The following CASP1 variants were observed in gnomAD, a reference collection of about 807,000 sequenced individuals.
CASP1 encodes the protein caspase-1.
In CASP1, 31 loss-of-function variants were observed where a neutral mutation model predicts 41.2. The ratio of observed to expected loss-of-function variants is 0.75; its 90% CI spans 0.57 to 1.02. The LOEUF is 1.02. Among genes scored for constraint, CASP1 ranks in the 50% least tolerant of loss-of-function variants. The pLI, the probability that CASP1 is intolerant of heterozygous loss-of-function variation, is 0.00. For synonymous variants in CASP1, 163 were observed against 166.5 expected (o/e 0.98, Z 0.16); for missense variants, 490 against 495.7 (o/e 0.99, Z 0.11).
upstream of CASP1, among the ~76,000 whole-genome samples, chr11:105,035,520 T>C (rs1863964089): frequency 6.6e-6 from 1 of 152,156 alleles, no homozygotes; most frequent in African/African-American, 2.4e-5. Flanking sequence ...TGTATGTCCC[T>C]GTGAAACATT....
At chr11:105,029,006 T>C (rs977521235) in intron 7 of CASP1, 118 bp downstream of exon 7, 2 of 887,926 alleles carry the variant, frequency 2.3e-6, no homozygotes, top group South Asian at 1.8e-5. Flanking sequence ...GAATTCTGTG[T>C]ATAACTTGGA....
At chr11:105,026,430 CA>C in intron 8 of CASP1, 74 bp from the exon 9 acceptor site, 2 of 866,402 alleles carry the variant, frequency 2.3e-6, no homozygotes, top group Non-Finnish European at 1.9e-6. Flanking sequence ...TGAGTTATGC[CA>C]AAAAACTACA....
At chr11:105,035,617 TG>T (rs369862499), upstream of CASP1, among the ~76,000 whole-genome samples, 1 of 53,752 alleles carries the variant, frequency 1.9e-5, no homozygotes, top group Admixed American at 2.8e-4. Context: ...TTTTTCTTTC[TG>T]TTTTTTTTTT....
chr11:105,033,978 A>T, intron 2 of CASP1: 1 of 812,334 alleles, frequency 1.2e-6, no homozygotes, highest in Non-Finnish European at 2.2e-6. Context: ...AGGAGCTACC[A>T]CATACTCAGA....
At position 105,030,434 on chromosome 11, in the gene CASP1, T is replaced by G; in HGVS notation, c.523A>C (p.Ser175Arg). 1.2e-6 allele frequency: 2 copies of G among 1,613,624 alleles called. No individual in the cohort carries two copies. The highest frequency in any genetic ancestry group is 1.7e-6 in the Non-Finnish European group (2 of 1,179,618). ...TCAGCTCCAGTTCTTCTAGGAATAC[T>G]GTCAAATTCTTCATTGCAGATAATG... ...ALIICNEEFD[S>R]IPRRTGAEVD... The change falls in exon 5 of 9, where the codon AGT (serine) becomes CGT (arginine). Residue 175 changes from serine (S) to arginine (R), a missense_variant. Coordinates refer to ENST00000533400, the MANE Select transcript of CASP1 (RefSeq NM_001257118.3).
chr11:105,031,593 A>C (rs1213802108), intron 3 of CASP1, among the ~76,000 whole-genome samples: 2 of 152,204 alleles, frequency 1.3e-5, no homozygotes, highest in Non-Finnish European at 2.9e-5. Context: ...AGAAAACAAA[A>C]AATGTGTGAG....
intron 8 of CASP1, 103 bp from the exon 9 acceptor site, chr11:105,026,459 AGT>A: frequency 1.4e-6 from 1 of 721,724 alleles, no homozygotes; most frequent in Non-Finnish European, 2.4e-6. Context: ...TAGCAAAATA[AGT>A]GACAAAAACA....
chr11:105,027,045 G>A, intron 7 of CASP1, 94 bp from the exon 8 acceptor site: 1 of 781,036 alleles, frequency 1.3e-6, no homozygotes, highest in South Asian at 1.4e-5. Flanking sequence ...AGGGATGTTT[G>A]AAATCATAAA....
At chr11:105,032,514 G>A (rs958207480) in intron 3 of CASP1, among the ~76,000 whole-genome samples, 2 of 152,108 alleles carry the variant, frequency 1.3e-5, no homozygotes, top group Non-Finnish European at 2.9e-5. Context: ...AAGTTTAAGA[G>A]TGCACTATGG....
chr11:105,026,413 A>C, intron 8 of CASP1, 57 bp from the exon 9 acceptor site: 1 of 1,190,600 alleles, frequency 8.4e-7, no homozygotes, highest in Non-Finnish European at 1.2e-6. Context: ...TTTTTTCAAG[A>C]ATTTCTTGAG....
At chr11:105,034,528 C>G (rs1863904338) in intron 1 of CASP1, 54 bp from the exon 2 acceptor site, 1 of 1,605,712 alleles carries the variant, frequency 6.2e-7, no homozygotes, top group African/African-American at 1.3e-5. Flanking sequence ...ATATTCCTCT[C>G]ATGTAATCAA....
chr11:105,031,123 T>C, intron 4 of CASP1, 42 bp downstream of exon 4: 1 of 1,167,380 alleles, frequency 8.6e-7, no homozygotes, highest in South Asian at 1.2e-5. Context: ...GCCTGAAGTG[T>C]TTCTTTCACC....
rs558429469 is a variant in CASP1, at chr11:105,033,740, A to G, written c.274+468T>C. Among the ~76,000 whole-genome samples, 9 of 152,350 alleles carry G rather than the reference A, an allele frequency of 5.9e-5. No individual in the cohort carries two copies. The East Asian group carries it at 1.7e-3, about 29-fold the overall frequency. ...CAATGTGTTCTCTGAGTGTATCGCC[A>G]TCATTGAAATATATTTTATTCTTTT... is the stretch of plus-strand genomic sequence containing the variant. On this transcript the variant is annotated intron_variant, in intron 2 of 8. Coordinates refer to ENST00000533400, the MANE Select transcript of CASP1 (RefSeq NM_001257118.3).
Position 105,035,092 on chromosome 11 carries a change from C to G in CASP1, c.7+15G>C, listed in dbSNP as rs745959532. ...TCTTCCCAGGGACCTGTTCTTGGAA[C>G]AGTAAAAGACTCACCGGCCATGGCT... On this transcript the variant is annotated intron_variant, in intron 1 of 8. Coordinates refer to ENST00000533400, the MANE Select transcript of CASP1 (RefSeq NM_001257118.3). 1 of 1,613,108 alleles carries G rather than the reference C, an allele frequency of 6.2e-7. No individual in the cohort carries two copies.
intron 7 of CASP1, 74 bp downstream of exon 7, chr11:105,029,050 C>T (rs1317668861): frequency 7.2e-7 from 1 of 1,384,024 alleles, no homozygotes; most frequent in Non-Finnish European, 9.9e-7. Flanking sequence ...TTGTTAATCA[C>T]CACCTCTAGT....
At position 105,026,177 on chromosome 11, in the gene CASP1, T is replaced by C; in HGVS notation, c.*81A>G. On this transcript the variant is annotated 3_prime_UTR_variant, in exon 9 of 9. Coordinates refer to ENST00000533400, the MANE Select transcript of CASP1 (RefSeq NM_001257118.3). The stretch of plus-strand genomic sequence containing the variant: ...TAGAGTTCTTGACTCAAATGGACTT[T>C]CAGTACCCTTTCCTCAACCTTCCCA... 2.3e-6 allele frequency: 2 copies of C among 885,992 alleles called. No individual in the cohort carries two copies. Among genetic ancestry groups the C allele is most frequent in the South Asian group, 2.9e-5 (2 of 67,954 alleles). The allele number at this position is 885,992 out of a possible 1,614,324, so 54.9% of individuals were successfully genotyped here. A position where few individuals can be genotyped will look rare whatever the true frequency, so the allele number is the denominator to read the frequency against.
chr11:105,028,993 A>T, intron 7 of CASP1, 131 bp downstream of exon 7: 1 of 772,024 alleles, frequency 1.3e-6, no homozygotes, highest in South Asian at 2.0e-5. Flanking sequence ...TCTTGGATAA[A>T]GGGAATTCTG....
At position 105,033,012 on chromosome 11, in the gene CASP1, T is replaced by C. The variant is rs375050185; in HGVS notation, c.337+52A>G. On this transcript the variant is annotated intron_variant, in intron 3 of 8. Coordinates refer to ENST00000533400, the MANE Select transcript of CASP1 (RefSeq NM_001257118.3). ...CCCACGTTTGATCCTACAAAATTAA[T>C]GTCAAGGAAGATGTGGGTCAAAGAA... The C allele has an allele frequency of 1.3e-5, 14 of 1,098,026 alleles. No homozygotes were observed. In the African/African-American group the frequency reaches 1.4e-4, roughly 11 times the overall value. 68.0% of individuals were successfully genotyped at this position (1,098,026 alleles called of 1,614,324 possible).
upstream of CASP1, among the ~76,000 whole-genome samples, chr11:105,035,618 G>GGTTTTTTTTTTTT (rs770385453): frequency 9.7e-5 from 10 of 103,438 alleles, no homozygotes; most frequent in African/African-American, 3.5e-4. Flanking sequence ...TTTTCTTTCT[G>GGTTTTTTTTTTTT]TTTTTTTTTT....
Sources: allele counts gnomAD v4.1 joint callset (sites outside exome capture counted in the v4.1 genomes callset), GRCh38; gene constraint gnomAD v4.1.1; transcripts MANE v1.5; gene names NCBI Gene and HGNC (gene_info 2026-07-23, HGNC 2026-07-21).